Variants in AP2B1 observed in about 807,000 individuals in gnomAD.
The protein encoded by AP2B1 is AP-2 complex subunit beta.
Under a neutral mutation model 102.0 loss-of-function variants are expected in AP2B1, and 23 were observed. That is an observed-to-expected ratio of 0.23 (90% CI 0.16 to 0.32). AP2B1 has a LOEUF of 0.32. Among genes scored for constraint, AP2B1 ranks in the 10% least tolerant of loss-of-function variants. AP2B1 has a pLI of 1.00. For synonymous variants in AP2B1, 381 were observed against 421.2 expected (o/e 0.90, Z 1.17); for missense variants, 541 against 1,157.4 (o/e 0.47, Z 7.73).
chr17:35,596,533 T>G (rs74505413), intron 2 of AP2B1, among the ~76,000 whole-genome samples: 4,866 of 149,204 alleles, frequency 0.033, 97 homozygotes, highest in Middle Eastern at 0.054. Context: ...TTTTTTTTTT[T>G]GGAGGAGGGG....
chr17:35,651,265 T>C (rs2075078961), intron 13 of AP2B1, among the ~76,000 whole-genome samples: 1 of 151,180 alleles, frequency 6.6e-6, no homozygotes, highest in African/African-American at 2.4e-5. Flanking sequence ...TGAAATAATA[T>C]TTCAGTATTG....
intron 5 of AP2B1, among the ~76,000 whole-genome samples, chr17:35,610,226 C>T (rs1215947290): frequency 2.0e-5 from 3 of 151,812 alleles, no homozygotes; most frequent in Non-Finnish European, 2.9e-5. Flanking sequence ...CTCACTGGAA[C>T]CTCTACCTTC....
At chr17:35,720,405 G>A (rs961662585) in intron 21 of AP2B1, among the ~76,000 whole-genome samples, 1 of 150,824 alleles carries the variant, frequency 6.6e-6, no homozygotes, top group Admixed American at 6.6e-5. Flanking sequence ...TATCCCAGAA[G>A]AAATTGAAGA....
intron 3 of AP2B1, chr17:35,601,152 T>C (rs952436840): frequency 2.5e-5 from 5 of 198,992 alleles, no homozygotes; most frequent in Non-Finnish European, 4.5e-5. Context: ...GGTAGGTACT[T>C]ACATAACAAG....
chr17:35,710,442 A>G, intron 20 of AP2B1, 122 bp downstream of exon 20: 2 of 674,370 alleles, frequency 3.0e-6, no homozygotes, highest in East Asian at 2.7e-5. Context: ...TCTAGTGGGT[A>G]TATATGGTAG....
chr17:35,662,503 T>C (rs1598212742), intron 14 of AP2B1, among the ~76,000 whole-genome samples: 1 of 150,938 alleles, frequency 6.6e-6, no homozygotes, highest in South Asian at 2.1e-4. Flanking sequence ...TTGGAAGCCA[T>C]GTATGTGGAG....
At chr17:35,659,765 C>G (rs2075316545) in intron 14 of AP2B1, 5 of 981,828 alleles carry the variant, frequency 5.1e-6, no homozygotes, top group Non-Finnish European at 6.0e-6. Context: ...GTGTTACAGC[C>G]CCAGAAATTG....
At chr17:35,656,800 GCGTGAA>G (rs2075237410) in intron 13 of AP2B1, among the ~76,000 whole-genome samples, 1 of 151,630 alleles carries the variant, frequency 6.6e-6, no homozygotes. Flanking sequence ...CAGGAGAATG[GCGTGAA>G]CCTGGGAGGC....
chr17:35,657,943 C>G, intron 14 of AP2B1, 152 bp downstream of exon 14: 1 of 630,346 alleles, frequency 1.6e-6, no homozygotes, highest in Non-Finnish European at 2.7e-6. Context: ...TTTAGTAAGA[C>G]AAAATTATAA....
At chr17:35,710,191 C>A in intron 19 of AP2B1, 43 bp from the exon 20 acceptor site, 3 of 1,381,996 alleles carry the variant, frequency 2.2e-6, no homozygotes, top group Non-Finnish European at 3.1e-6. Flanking sequence ...AGAATACTGA[C>A]AGCTTATGCA....
At chr17:35,625,763 G>T (rs1297930818) in intron 6 of AP2B1, among the ~76,000 whole-genome samples, 4 of 152,224 alleles carry the variant, frequency 2.6e-5, no homozygotes, top group African/African-American at 9.6e-5. Flanking sequence ...TGGGCATTTG[G>T]GGGTGAGGGG....
chr17:35,631,236 T>C (rs2074452002), intron 9 of AP2B1, among the ~76,000 whole-genome samples: 1 of 152,186 alleles, frequency 6.6e-6, no homozygotes, highest in Non-Finnish European at 1.5e-5. Flanking sequence ...CCTGGTCTTC[T>C]GGTTATTTTC....
At chr17:35,660,187 C>G in intron 14 of AP2B1, 1 of 596,448 alleles carries the variant, frequency 1.7e-6, no homozygotes, top group Non-Finnish European at 2.1e-6. Flanking sequence ...CACTATGTTG[C>G]GTAGGCTCAT....
At chr17:35,717,443 G>A (rs1448974920) in intron 21 of AP2B1, 94 bp downstream of exon 21, 2 of 1,430,246 alleles carry the variant, frequency 1.4e-6, no homozygotes, top group African/African-American at 1.4e-5. Context: ...CCTGGAGGAG[G>A]TGCTTTAAAC....
chr17:35,698,866 G>A (rs587717274), intron 18 of AP2B1, among the ~76,000 whole-genome samples: 3 of 152,316 alleles, frequency 2.0e-5, no homozygotes, highest in South Asian at 4.1e-4. Flanking sequence ...CTGAAGGTTC[G>A]TCATTCTAAT....
chr17:35,724,547 CTG>C lies in AP2B1; in HGVS notation c.*850_*851del. 1 of 152,348 alleles carries C rather than the reference CTG, an allele frequency of 6.6e-6. No individual in the cohort carries two copies. The highest frequency in any genetic ancestry group is 2.1e-4 in the South Asian group (1 of 4,822). 9.4% of individuals were successfully genotyped at this position (152,348 alleles called of 1,614,324 possible). On this transcript the variant is annotated 3_prime_UTR_variant, in exon 22 of 22. Transcript: ENST00000610402. ...GAGATGGGGAACAAGAACCCAGATG[CTG>C]TCCCCTCACCCCCTCTCCTGTATTT...
At chr17:35,650,066 C>T (rs1007962449) in intron 12 of AP2B1, among the ~76,000 whole-genome samples, 7 of 152,112 alleles carry the variant, frequency 4.6e-5, no homozygotes, top group African/African-American at 1.7e-4. Context: ...TCTCCTGCCT[C>T]AGCCTCCTGA....
chr17:35,592,094 G>A (rs761674363), intron 1 of AP2B1, among the ~76,000 whole-genome samples: 7 of 152,028 alleles, frequency 4.6e-5, no homozygotes, highest in Non-Finnish European at 8.8e-5. Context: ...TGAACCAGAA[G>A]TTTTTCATTA....
intron 18 of AP2B1, among the ~76,000 whole-genome samples, chr17:35,708,759 T>C (rs2076393237): frequency 6.6e-6 from 1 of 151,958 alleles, no homozygotes; most frequent in Non-Finnish European, 1.5e-5. Flanking sequence ...TGAATCGTAA[T>C]TCTTCTGTGT....
Sources: gnomAD v4.1 joint callset for allele counts (sites outside exome capture counted in the v4.1 genomes callset) on GRCh38, gnomAD v4.1.1 for gene constraint, MANE v1.5 for transcripts, NCBI Gene and HGNC (gene_info 2026-07-23, HGNC 2026-07-21) for gene names.